Variants in RSF1 observed in about 807,000 individuals in gnomAD.
RSF1 encodes remodeling and spacing factor 1, also known as HBV pX-associated protein 8.
RSF1 carries 13 observed loss-of-function variants against 145.2 expected under a neutral mutation model. The observed-to-expected ratio is 0.09, with a 90% CI of 0.06 to 0.14. The LOEUF is 0.14. Among genes scored for constraint, RSF1 ranks in the 10% least tolerant of loss-of-function variants. The probability of loss-of-function intolerance (pLI) is 1.00; values close to 1 mark genes in which losing one functional copy is unlikely to be tolerated. For missense variants in RSF1, 1,517 were observed against 1,718.2 expected (o/e 0.88, Z 2.07); for synonymous variants, 577 against 592.6 (o/e 0.97, Z 0.38).
intron 2 of RSF1, among the ~76,000 whole-genome samples, chr11:77,749,429 C>T (rs1370816430): frequency 6.6e-6 from 1 of 152,078 alleles, no homozygotes; most frequent in African/African-American, 2.4e-5. Context: ...AAGAAGATAA[C>T]GTTGGCTGAC....
the RSF1 span, among the ~76,000 whole-genome samples, chr11:77,832,584 C>T: frequency 6.6e-6 from 1 of 152,020 alleles, no homozygotes; most frequent in Non-Finnish European, 1.5e-5. Context: ...CCTCAGCCTC[C>T]CAAAGTACTG....
chr11:77,701,907 A>G lies in RSF1; in HGVS notation c.1322T>C (p.Leu441Pro). Residue 441 changes from leucine (L) to proline (P), a missense_variant, in exon 6 of 16, where the codon CTG (leucine) becomes CCG (proline). Coordinates refer to ENST00000308488, the MANE Select transcript of RSF1 (RefSeq NM_016578.4). ...ITALGHEGKQ[L>P]VNGEVSDERV... is the part of the protein sequence containing the mutation. ...TTCATCACTAACTTCTCCATTTACC[A>G]GCTGTTTCCCTTCATGACCCAAAGC... The G allele has an allele frequency of 6.2e-7, 1 of 1,613,884 alleles. No homozygotes were observed. The highest frequency in any genetic ancestry group is 1.3e-5 in the African/African-American group (1 of 75,012).
chr11:77,725,528 A>AAC lies in RSF1; in HGVS notation c.733+15_733+16dup, dbSNP rs778775031. The AAC allele has an allele frequency of 1.4e-5, 22 of 1,525,992 alleles. No homozygotes were observed. Among genetic ancestry groups the AAC allele is most frequent in the Non-Finnish European group, 1.8e-5 (20 of 1,136,964 alleles). The allele number at this position is 1,525,992 out of a possible 1,614,324, so 94.5% of individuals were successfully genotyped here. A position where few individuals can be genotyped will look rare whatever the true frequency, so the allele number is the denominator to read the frequency against. On this transcript the variant is annotated intron_variant, in intron 5 of 15. Coordinates refer to ENST00000308488, the MANE Select transcript of RSF1 (RefSeq NM_016578.4). ...GAGATTACAAAACAAAGCAAAACAA[A>AAC]ACACACAAAAAAAAACCTTGTTTAG...
chr11:77,808,755 G>A lies in RSF1; in HGVS notation c.187+11773C>T, dbSNP rs1413214259. On this transcript the variant is annotated intron_variant, in intron 1 of 15. Transcript: ENST00000308488. The stretch of plus-strand genomic sequence containing the variant: ...TCACCGTGTTAACCGGGATGGTCTC[G>A]ATCTCCTGACCTCGTGATCCGCCCA... 8.5e-5 allele frequency among the ~76,000 whole-genome samples: 9 copies of A among 105,974 alleles called. 1 individual carries two copies. The highest frequency in any genetic ancestry group is 2.8e-4 in the East Asian group (1 of 3,568). The allele number at this position is 105,974 out of a possible 152,430, so 69.5% of individuals were successfully genotyped here.
the RSF1 span, among the ~76,000 whole-genome samples, chr11:77,844,975 C>A: frequency 6.6e-6 from 1 of 152,124 alleles, no homozygotes; most frequent in African/African-American, 2.4e-5. Flanking sequence ...ATAAATCAAC[C>A]ATTAGCATTA....
chr11:77,836,889 C>T, the RSF1 span, among the ~76,000 whole-genome samples: 220 of 152,114 alleles, frequency 1.4e-3, 1 homozygote, highest in Admixed American at 2.4e-3. Flanking sequence ...CGCTTGAACC[C>T]GGGAGGCGGA....
intron 3 of RSF1, among the ~76,000 whole-genome samples, chr11:77,746,012 A>G (rs1947995868): frequency 6.6e-6 from 1 of 152,164 alleles, no homozygotes; most frequent in Non-Finnish European, 1.5e-5. Flanking sequence ...GTAATACTAA[A>G]GTATTACATA....
rs1948155980 is a variant in RSF1 at position 77,760,011 on chromosome 11, A to T, written c.279+4587T>A. ...CTATGGTACAGCCGCTATGGAAAAC[A>T]GTTTGGCAGGTCCTTAAAAAGTTAA... On this transcript the variant is annotated intron_variant, in intron 2 of 15. Transcript: ENST00000308488. Among the ~76,000 whole-genome samples the T allele has an allele frequency of 4.6e-5, 7 of 152,358 alleles. No homozygotes were observed. In the South Asian group the frequency reaches 1.4e-3, roughly 32 times the overall value.
At chr11:77,832,957 G>A in the RSF1 span, among the ~76,000 whole-genome samples, 11 of 12,090 alleles carry the variant, frequency 9.1e-4, no homozygotes, top group African/African-American at 8.9e-3. Context: ...ATATATGTGT[G>A]TGTGTGTGTG....
Position 77,660,150 on chromosome 11 carries a change from C to T in RSF1, c.*6767G>A, listed in dbSNP as rs1959218446. ...TGGCTTTAGGCCTGGCTTATAACAC[C>T]AAGAGTTCTGATCAGACTGTAGTGA... On this transcript the variant is annotated 3_prime_UTR_variant, in exon 16 of 16. Coordinates refer to ENST00000308488, the MANE Select transcript of RSF1 (RefSeq NM_016578.4). The T allele has an allele frequency of 6.6e-6, 1 of 152,102 alleles. No individual in the cohort carries two copies. Among genetic ancestry groups the T allele is most frequent in the Non-Finnish European group, 1.5e-5 (1 of 68,002 alleles). 9.4% of individuals were successfully genotyped at this position (152,102 alleles called of 1,614,324 possible).
chr11:77,681,989 A>G (rs1249494332), intron 11 of RSF1, among the ~76,000 whole-genome samples: 1 of 151,930 alleles, frequency 6.6e-6, no homozygotes, highest in African/African-American at 2.4e-5. Flanking sequence ...CTAACCCCAT[A>G]TTTTCCATAA....
intron 1 of RSF1, among the ~76,000 whole-genome samples, chr11:77,777,312 C>T (rs916071070): frequency 6.6e-5 from 10 of 152,162 alleles, no homozygotes; most frequent in Non-Finnish European, 1.2e-4. Flanking sequence ...GTAATCCCCG[C>T]CAGGCGAGGT....
chr11:77,676,716 TG>T, intron 13 of RSF1, 75 bp downstream of exon 13: 1 of 1,270,206 alleles, frequency 7.9e-7, no homozygotes, highest in Non-Finnish European at 1.1e-6. Context: ...CATCACAGCA[TG>T]GGCAAGCCTC....
At chr11:77,707,770 C>T (rs1023051543) in intron 5 of RSF1, among the ~76,000 whole-genome samples, 2 of 152,178 alleles carry the variant, frequency 1.3e-5, no homozygotes, top group African/African-American at 2.4e-5. Flanking sequence ...TACTGAGTGC[C>T]TGCTTTACAC....
intron 1 of RSF1, among the ~76,000 whole-genome samples, chr11:77,807,052 G>C (rs1176487150): frequency 6.6e-6 from 1 of 152,142 alleles, no homozygotes; most frequent in Non-Finnish European, 1.5e-5. Context: ...TTTATTTAAT[G>C]TGCTACATTT....
the RSF1 span, among the ~76,000 whole-genome samples, chr11:77,844,429 C>G: frequency 5.9e-3 from 904 of 152,140 alleles, 3 homozygotes; most frequent in Non-Finnish European, 9.2e-3. Flanking sequence ...GTGGTGAGAT[C>G]ATGGCGCACT....
At chr11:77,779,800 G>A (rs1367342525) in intron 1 of RSF1, among the ~76,000 whole-genome samples, 1 of 152,218 alleles carries the variant, frequency 6.6e-6, no homozygotes, top group South Asian at 2.1e-4. Context: ...TTTTTCTCAT[G>A]TAATGAGAAG....
At chr11:77,696,282 C>A (rs1200597007) in intron 7 of RSF1, among the ~76,000 whole-genome samples, 1 of 152,156 alleles carries the variant, frequency 6.6e-6, no homozygotes, top group East Asian at 1.9e-4. Context: ...GATTTCCAAG[C>A]CTCAGGTGAT....
At chr11:77,833,811 A>G in the RSF1 span, among the ~76,000 whole-genome samples, 1 of 152,216 alleles carries the variant, frequency 6.6e-6, no homozygotes, top group African/African-American at 2.4e-5. Context: ...CTATCATTCC[A>G]TCTAGATTTT....
Sources: gnomAD v4.1 joint callset for allele counts (sites outside exome capture counted in the v4.1 genomes callset) on GRCh38, gnomAD v4.1.1 for gene constraint, MANE v1.5 for transcripts, NCBI Gene and HGNC (gene_info 2026-07-23, HGNC 2026-07-21) for gene names.